The following PSTPIP2 variants were observed in gnomAD, a reference collection of about 807,000 sequenced individuals.
PSTPIP2 encodes the protein proline-serine-threonine phosphatase interacting protein 2, also known as proline-serine-threonine phosphatase-interacting protein 2.
A neutral mutation model predicts 63.3 loss-of-function variants in PSTPIP2; 33 were observed. That is an observed-to-expected ratio of 0.52 (90% confidence interval 0.40 to 0.70). The LOEUF (loss-of-function observed/expected upper bound fraction) is 0.70. PSTPIP2 is among the 30% of genes least tolerant of loss of function. The probability of loss-of-function intolerance (pLI) is 0.00; values close to 1 mark genes in which losing one functional copy is unlikely to be tolerated. For synonymous variants in PSTPIP2, 125 were observed against 132.7 expected (o/e 0.94, Z 0.40); for missense variants, 312 against 400.7 (o/e 0.78, Z 1.89).
rs949636510 is a variant in PSTPIP2, at chr18:46,072,236, A to T, written c.-48T>A. The T allele has an allele frequency of 2.0e-6, 3 of 1,524,596 alleles. No homozygotes were observed. The African/African-American group carries it at 4.3e-5, about 22-fold the overall frequency. The allele number at this position is 1,524,596 out of a possible 1,614,324, so 94.4% of individuals were successfully genotyped here. A position where few individuals can be genotyped will look rare whatever the true frequency, so the allele number is the denominator to read the frequency against. On this transcript the variant is annotated 5_prime_UTR_variant, in exon 1 of 15. Transcript: ENST00000409746. The stretch of plus-strand genomic sequence containing the variant: ...AGGAGAGCCGGGCCGCAGGTAGCAC[A>T]GAGCGGGGAGGCCTGACTGCCACTG...
rs118114300 is a variant in PSTPIP2, at chr18:46,005,331, G to A, written c.417+138C>T. On this transcript the variant is annotated intron_variant, in intron 6 of 14. Transcript: ENST00000409746. ...AAAAAGAAAACCCAAAGCATTTAAG[G>A]TTGTTTTCCCTAAAACACTGCACTA... 1.7e-5 allele frequency: 12 copies of A among 698,726 alleles called. No homozygotes were observed. The East Asian group carries it at 2.1e-4, about 12-fold the overall frequency. 43.3% of individuals were successfully genotyped at this position (698,726 alleles called of 1,614,324 possible).
chr18:46,024,641 A>G lies in PSTPIP2; in HGVS notation c.180T>C (p.Ser60=). 6 of 1,614,130 alleles carry G rather than the reference A, an allele frequency of 3.7e-6. No homozygotes were observed. The highest frequency in any genetic ancestry group is 5.1e-6 in the Non-Finnish European group (6 of 1,179,966). The change falls in exon 3 of 15, where the codon TCT becomes TCC. Residue 60 remains serine, a synonymous_variant. Coordinates refer to ENST00000409746, the MANE Select transcript of PSTPIP2 (RefSeq NM_024430.4). ...CAGACTGTCCACACGGCTTCTTCCT[A>G]GAGAGGTTGAGCAGATCTTTGCCAT... ...ERYGKDLLNL[S]RKKPCGQSEI...
chr18:46,059,018 C>CA (rs1568232425), intron 1 of PSTPIP2, among the ~76,000 whole-genome samples: 2 of 147,506 alleles, frequency 1.4e-5, no homozygotes, highest in African/African-American at 4.9e-5. Flanking sequence ...CCTCTTAATT[C>CA]TTTTTTTTTC....
intron 1 of PSTPIP2, among the ~76,000 whole-genome samples, chr18:46,043,318 G>A (rs1381076942): frequency 6.6e-6 from 1 of 151,088 alleles, no homozygotes. Context: ...TTGAGCCTGG[G>A]AGATCGAGGC....
chr18:45,999,650 T>C, intron 6 of PSTPIP2, 116 bp from the exon 7 acceptor site: 2 of 973,264 alleles, frequency 2.1e-6, no homozygotes, highest in Non-Finnish European at 1.6e-6. Flanking sequence ...AGTGCTCTGA[T>C]TGTCACTAAG....
chr18:46,067,502 C>CAA (rs534950641), intron 1 of PSTPIP2, among the ~76,000 whole-genome samples: 52,525 of 117,916 alleles, frequency 0.45, 11,860 homozygotes, highest in Middle Eastern at 0.63. Context: ...GACTCTGTCT[C>CAA]AAAAAAAAAA....
chr18:46,046,676 T>C (rs1908395688), intron 1 of PSTPIP2, among the ~76,000 whole-genome samples: 1 of 151,986 alleles, frequency 6.6e-6, no homozygotes. Context: ...CCTGTGAAAA[T>C]AAAGAACACT....
intron 5 of PSTPIP2, among the ~76,000 whole-genome samples, chr18:46,007,909 T>C (rs2051747014): frequency 6.6e-6 from 1 of 152,162 alleles, no homozygotes; most frequent in South Asian, 2.1e-4. Flanking sequence ...GACACTTTGC[T>C]CAAGGTCACT....
chr18:46,057,150 T>G (rs945018893), intron 1 of PSTPIP2, among the ~76,000 whole-genome samples: 2 of 151,920 alleles, frequency 1.3e-5, no homozygotes, highest in Non-Finnish European at 2.9e-5. Flanking sequence ...CCTTAAATTT[T>G]ACGTGCAAGG....
chr18:46,029,707 T>A, intron 2 of PSTPIP2: 1 of 684,986 alleles, frequency 1.5e-6, no homozygotes, highest in Non-Finnish European at 2.7e-6. Context: ...CATTGGTTCA[T>A]CTTCCTTCCT....
rs1055546925 is a variant in PSTPIP2, at chr18:45,998,763, C to A, written c.562+31G>T. On this transcript the variant is annotated intron_variant, in intron 8 of 14. Coordinates refer to ENST00000409746, the MANE Select transcript of PSTPIP2 (RefSeq NM_024430.4). ...GGATAACGTAAACCCCACCAGCAAC[C>A]CTCCCCCATCCGTAGGAACTGCCCC... 10 of 1,609,362 alleles carry A rather than the reference C, an allele frequency of 6.2e-6. No homozygotes were observed. The South Asian group carries it at 1.1e-4, about 18-fold the overall frequency.
intron 11 of PSTPIP2, 41 bp from the exon 12 acceptor site, chr18:45,992,024 G>A (rs376133117): frequency 2.3e-5 from 37 of 1,593,472 alleles, no homozygotes; most frequent in African/African-American, 2.7e-5. Context: ...AGAGGCAGGC[G>A]TCTTTCATCC....
At chr18:46,055,980 G>T (rs2144126479) in intron 1 of PSTPIP2, among the ~76,000 whole-genome samples, 1 of 152,286 alleles carries the variant, frequency 6.6e-6, no homozygotes, top group East Asian at 1.9e-4. Context: ...TATCTTTCTT[G>T]TTTAGTAAGT....
chr18:46,021,441 A>G (rs557095896), intron 3 of PSTPIP2, among the ~76,000 whole-genome samples: 2 of 150,116 alleles, frequency 1.3e-5, no homozygotes, highest in African/African-American at 4.9e-5. Context: ...ATATATATAT[A>G]AAAAACCAAA....
intron 4 of PSTPIP2, 80 bp from the exon 5 acceptor site, chr18:46,011,367 G>A: frequency 4.4e-6 from 5 of 1,139,416 alleles, no homozygotes; most frequent in Non-Finnish European, 6.3e-6. Flanking sequence ...AAATAAATAT[G>A]TATATACAAA....
intron 3 of PSTPIP2, 148 bp from the exon 4 acceptor site, chr18:46,016,085 G>C: frequency 1.3e-6 from 1 of 778,548 alleles, no homozygotes; most frequent in Non-Finnish European, 2.1e-6. Flanking sequence ...GACAGCAAAA[G>C]ACCAAGACTT....
intron 2 of PSTPIP2, among the ~76,000 whole-genome samples, chr18:46,031,360 T>G: frequency 6.6e-6 from 1 of 152,158 alleles, no homozygotes; most frequent in East Asian, 1.9e-4. Context: ...TGCAAGTGAT[T>G]TCTCCTTCAT....
chr18:46,028,929 C>A, intron 2 of PSTPIP2: 1 of 1,415,678 alleles, frequency 7.1e-7, no homozygotes, highest in Non-Finnish European at 1.0e-6. Flanking sequence ...TGAAGAACTG[C>A]CAGCATGGTA....
intron 3 of PSTPIP2, among the ~76,000 whole-genome samples, chr18:46,018,173 T>C (rs2051871003): frequency 1.3e-5 from 2 of 152,186 alleles, no homozygotes; most frequent in Non-Finnish European, 1.5e-5. Context: ...AGTTCTAGTA[T>C]CTACAGTCTT....
Sources: gnomAD v4.1 joint callset for allele counts (sites outside exome capture counted in the v4.1 genomes callset) on GRCh38, gnomAD v4.1.1 for gene constraint, MANE v1.5 for transcripts, NCBI Gene and HGNC (gene_info 2026-07-23, HGNC 2026-07-21) for gene names.